Variants in LRMDA observed in about 807,000 individuals in gnomAD.
LRMDA encodes leucine rich melanocyte differentiation associated.
A neutral mutation model predicts 29.8 loss-of-function variants in LRMDA; 18 were observed. That is an observed-to-expected ratio of 0.60 (90% CI 0.42 to 0.90). The LOEUF is 0.90. LRMDA is among the 40% of genes least tolerant of loss of function. The pLI is 0.00. For synonymous variants in LRMDA, 125 were observed against 109.4 expected, an observed-to-expected ratio of 1.14 and a Z score of -0.89; for missense variants, 273 against 273.9, an observed-to-expected ratio of 1.00 and a Z score of 0.02.
chr10:76,412,466 C>G (rs190937156), intron 6 of LRMDA, among the ~76,000 whole-genome samples: 1 of 152,258 alleles, frequency 6.6e-6, no homozygotes, highest in Non-Finnish European at 1.5e-5. Flanking sequence ...GCAGTTTGAA[C>G]ATAGCTCTAT....
At chr10:76,068,538 T>C (rs2132065726) in intron 5 of LRMDA, among the ~76,000 whole-genome samples, 1 of 152,002 alleles carries the variant, frequency 6.6e-6, no homozygotes, top group Non-Finnish European at 1.5e-5. Flanking sequence ...CACAATAGGG[T>C]TTGAACTCCT....
At chr10:75,674,317 G>C (rs1275473071) in intron 2 of LRMDA, among the ~76,000 whole-genome samples, 1 of 152,102 alleles carries the variant, frequency 6.6e-6, no homozygotes, top group Non-Finnish European at 1.5e-5. Flanking sequence ...ACACCTTTCT[G>C]TTCCCTTATC....
chr10:75,680,241 C>T lies in LRMDA; in HGVS notation c.131+241747C>T, dbSNP rs567514588. Among the ~76,000 whole-genome samples the T allele has an allele frequency of 5.2e-4, 79 of 152,324 alleles. 1 individual carries two copies. Among genetic ancestry groups the T allele is most frequent in the African/African-American group, 1.7e-3 (72 of 41,572 alleles). On this transcript the variant is annotated intron_variant, in intron 2 of 6. Transcript: ENST00000611255. The stretch of plus-strand genomic sequence containing the variant: ...ATGGAATAACATCGTATCCTCAAAA[C>T]AGTTACTGTGGCCAGGAGTAACAGT...
intron 2 of LRMDA, among the ~76,000 whole-genome samples, chr10:75,614,640 G>A (rs1315407558): frequency 1.3e-5 from 2 of 152,164 alleles, no homozygotes; most frequent in African/African-American, 2.4e-5. Flanking sequence ...AGGAGAGGGG[G>A]CACTTCAGTC....
intron 6 of LRMDA, among the ~76,000 whole-genome samples, chr10:76,452,646 G>A (rs756194636): frequency 6.6e-5 from 10 of 152,202 alleles, no homozygotes; most frequent in South Asian, 2.1e-4. Flanking sequence ...CAGTGTCCAG[G>A]AAGAAGATAT....
rs10664076 is a variant in LRMDA at position 75,697,850 on chromosome 10, T to TGTGTGTGTGTGTGTGTGC, written c.131+259357_131+259358insTGTGTGTGTGTGTGTGCG. Reference sequence around the variant, plus strand: ...GCATGTAAGAGTGTGTGTGTGTGTGTGCGTGTGTGTGTGTGTCTCATTCGC... The same window carrying TGTGTGTGTGTGTGTGTGC: ...GCATGTAAGAGTGTGTGTGTGTGTGTGTGTGTGTGTGTGTGTGCGCGTGTGTGTGTGTGTCTCATTCGC... On this transcript the variant is annotated intron_variant, in intron 2 of 6. Coordinates refer to ENST00000611255, the MANE Select transcript of LRMDA (RefSeq NM_001305581.2). Among the ~76,000 whole-genome samples the TGTGTGTGTGTGTGTGTGC allele has an allele frequency of 4.4e-3, 663 of 151,696 alleles. 8 individuals are homozygous for TGTGTGTGTGTGTGTGTGC. Among genetic ancestry groups the TGTGTGTGTGTGTGTGTGC allele is most frequent in the African/African-American group, 0.015 (636 of 41,198 alleles).
At chr10:75,929,548 A>G (rs193259833) in intron 2 of LRMDA, among the ~76,000 whole-genome samples, 1 of 152,162 alleles carries the variant, frequency 6.6e-6, no homozygotes, top group Non-Finnish European at 1.5e-5. Context: ...TTTGCAGAGT[A>G]GAGGGATCAT....
At chr10:76,409,984 G>A (rs1841940985) in intron 6 of LRMDA, among the ~76,000 whole-genome samples, 1 of 152,214 alleles carries the variant, frequency 6.6e-6, no homozygotes, top group African/African-American at 2.4e-5. Flanking sequence ...GATTAGGGAA[G>A]TCTTCCTGGA....
At chr10:75,996,917 A>G (rs1303437649) in intron 2 of LRMDA, among the ~76,000 whole-genome samples, 2 of 152,046 alleles carry the variant, frequency 1.3e-5, no homozygotes, top group Non-Finnish European at 2.9e-5. Flanking sequence ...TACTTTTAGT[A>G]GAGACGGGGT....
At position 76,474,912 on chromosome 10, in the gene LRMDA, A is replaced by C. The variant is rs548505395; in HGVS notation, c.602-82297A>C. Among the ~76,000 whole-genome samples the C allele has an allele frequency of 3.9e-5, 6 of 151,902 alleles. No individual in the cohort carries two copies. The East Asian group carries it at 1.2e-3, about 30-fold the overall frequency. On this transcript the variant is annotated intron_variant, in intron 6 of 6. Transcript: ENST00000611255. Reference sequence around the variant, plus strand: ...AAATGCAAACAAAATTTGGTCATTAATATCTATAGCAGCATTATTCATAAT... The same window carrying C: ...AAATGCAAACAAAATTTGGTCATTACTATCTATAGCAGCATTATTCATAAT...
chr10:75,581,939 AT>A (rs1375155006), intron 2 of LRMDA, among the ~76,000 whole-genome samples: 2 of 152,350 alleles, frequency 1.3e-5, no homozygotes, highest in Non-Finnish European at 2.9e-5. Flanking sequence ...ATATTAAAAA[AT>A]ATCTTAAAGC....
chr10:75,519,146 G>A (rs1410331646), intron 2 of LRMDA, among the ~76,000 whole-genome samples: 1 of 152,198 alleles, frequency 6.6e-6, no homozygotes, highest in Non-Finnish European at 1.5e-5. Flanking sequence ...TTAAGAATAA[G>A]TATGATGTGG....
chr10:75,747,220 T>C (rs2132215361), intron 2 of LRMDA, among the ~76,000 whole-genome samples: 1 of 152,220 alleles, frequency 6.6e-6, no homozygotes, highest in South Asian at 2.1e-4. Flanking sequence ...GTAAAGTAGG[T>C]TTAGAAAAAA....
chr10:76,424,546 A>G (rs750000559), intron 6 of LRMDA, among the ~76,000 whole-genome samples: 1 of 151,976 alleles, frequency 6.6e-6, no homozygotes, highest in African/African-American at 2.4e-5. Context: ...CTCAAAAAAC[A>G]AAAACAAAAA....
At chr10:76,360,248 A>G (rs1440321660) in intron 6 of LRMDA, among the ~76,000 whole-genome samples, 2 of 152,096 alleles carry the variant, frequency 1.3e-5, no homozygotes, top group Non-Finnish European at 2.9e-5. Flanking sequence ...TCGGCCTCCC[A>G]AAGTGCTGGG....
chr10:76,479,639 A>C (rs1842716219), intron 6 of LRMDA, among the ~76,000 whole-genome samples: 3 of 151,852 alleles, frequency 2.0e-5, no homozygotes, highest in Non-Finnish European at 4.4e-5. Flanking sequence ...TTGAACTCTG[A>C]AGGGCTGCAA....
chr10:76,351,255 A>C (rs1841173371), intron 6 of LRMDA, among the ~76,000 whole-genome samples: 1 of 152,138 alleles, frequency 6.6e-6, no homozygotes, highest in Non-Finnish European at 1.5e-5. Context: ...TGCTTCAGCT[A>C]CCTTCCTTGC....
chr10:75,807,016 A>G (rs1309693418), intron 2 of LRMDA, among the ~76,000 whole-genome samples: 2 of 152,088 alleles, frequency 1.3e-5, no homozygotes, highest in African/African-American at 4.8e-5. Flanking sequence ...TTACGTTGAT[A>G]TATAATTTAA....
intron 2 of LRMDA, among the ~76,000 whole-genome samples, chr10:75,944,264 A>G (rs755916673): frequency 2.0e-5 from 3 of 152,146 alleles, no homozygotes; most frequent in Non-Finnish European, 4.4e-5. Context: ...TCTTATGGGA[A>G]GTCAATTGTC....
Sources: gnomAD v4.1 joint callset for allele counts (sites outside exome capture counted in the v4.1 genomes callset) on GRCh38, gnomAD v4.1.1 for gene constraint, MANE v1.5 for transcripts, NCBI Gene and HGNC (gene_info 2026-07-23, HGNC 2026-07-21) for gene names.